The following TEX2 variants were observed in gnomAD, a reference collection of about 807,000 sequenced individuals.
TEX2 encodes the protein testis expressed 2.
TEX2 carries 53 observed loss-of-function variants against 106.9 expected under a neutral mutation model. The ratio of observed to expected loss-of-function variants is 0.50; its 90% confidence interval spans 0.40 to 0.62. TEX2 has a LOEUF of 0.62. TEX2 is among the 20% of genes least tolerant of loss of function. The pLI, the probability that TEX2 is intolerant of heterozygous loss-of-function variation, is 0.00. For synonymous variants in TEX2, 523 were observed against 534.8 expected, an observed-to-expected ratio of 0.98 and a Z score of 0.30; for missense variants, 1,207 against 1,379.0, an observed-to-expected ratio of 0.88 and a Z score of 1.98.
chr17:64,212,716 C>G lies in TEX2; in HGVS notation c.1502G>C (p.Gly501Ala), dbSNP rs1555631728. The change falls in exon 2 of 12, where the codon GGA (glycine) becomes GCA (alanine). Residue 501 changes from glycine to alanine, a missense_variant. Gly to Ala is a moderately conservative substitution (Grantham distance 60). Coordinates refer to ENST00000584379, the MANE Select transcript of TEX2 (RefSeq NM_001288732.2). ...LPHYVSGLFL[G>A]IGLGFMTAVC... is the part of the protein sequence containing the mutation. ...TGCAGTCATGAATCCAAGGCCAATTCCCAGAAAGAGTCCACTCACATAGTG... is the reference window on the plus strand; with the variant it reads ...TGCAGTCATGAATCCAAGGCCAATTGCCAGAAAGAGTCCACTCACATAGTG... 6.2e-7 allele frequency: 1 copy of G among 1,614,112 alleles called. No homozygotes were observed. Among genetic ancestry groups the G allele is most frequent in the Non-Finnish European group, 8.5e-7 (1 of 1,180,034 alleles).
chr17:64,227,478 G>A (rs1217126711), intron 1 of TEX2, among the ~76,000 whole-genome samples: 1 of 152,028 alleles, frequency 6.6e-6, no homozygotes, highest in African/African-American at 2.4e-5. Flanking sequence ...ATACTTTTGT[G>A]ATCTGGAAAA....
intron 5 of TEX2, among the ~76,000 whole-genome samples, chr17:64,183,637 A>G (rs2031967110): frequency 1.3e-5 from 2 of 152,208 alleles, no homozygotes; most frequent in Admixed American, 1.3e-4. Flanking sequence ...CATGTTGCCC[A>G]GGCTGGCCTC....
chr17:64,177,180 G>A (rs1433451590), intron 6 of TEX2, 145 bp downstream of exon 6: 3 of 849,788 alleles, frequency 3.5e-6, no homozygotes, highest in South Asian at 3.2e-5. Context: ...CTGTGATCAA[G>A]GTCAGATGTG....
chr17:64,199,921 C>A (rs1398314532), intron 2 of TEX2, among the ~76,000 whole-genome samples: 1 of 152,254 alleles, frequency 6.6e-6, no homozygotes, highest in Non-Finnish European at 1.5e-5. Context: ...GCTTTCAACA[C>A]ACTCAGTCTT....
chr17:64,196,862 C>G (rs917356673), intron 2 of TEX2, among the ~76,000 whole-genome samples: 1 of 151,932 alleles, frequency 6.6e-6, no homozygotes, highest in Non-Finnish European at 1.5e-5. Context: ...TATCAGCTCA[C>G]AAGAACGGAT....
chr17:64,179,942 G>A (rs2031787066), intron 5 of TEX2, among the ~76,000 whole-genome samples: 1 of 152,160 alleles, frequency 6.6e-6, no homozygotes, highest in African/African-American at 2.4e-5. Flanking sequence ...TGGATGGAAG[G>A]GCAAGAGTCT....
At chr17:64,226,665 T>C (rs574422725) in intron 1 of TEX2, among the ~76,000 whole-genome samples, 1 of 152,188 alleles carries the variant, frequency 6.6e-6, no homozygotes, top group Admixed American at 6.5e-5. Flanking sequence ...CTAAAAATAA[T>C]ACAGAATTGG....
At chr17:64,223,119 AC>A (rs2033405888) in intron 1 of TEX2, among the ~76,000 whole-genome samples, 1 of 152,180 alleles carries the variant, frequency 6.6e-6, no homozygotes, top group Non-Finnish European at 1.5e-5. Context: ...CTCATAAAAA[AC>A]AAAGGCCTCA....
At chr17:64,202,491 T>C (rs1555630217) in intron 2 of TEX2, among the ~76,000 whole-genome samples, 2 of 152,168 alleles carry the variant, frequency 1.3e-5, no homozygotes, top group Admixed American at 1.3e-4. Flanking sequence ...TAATCAGCCA[T>C]TTCCCCCCAC....
intron 1 of TEX2, among the ~76,000 whole-genome samples, chr17:64,245,117 G>A (rs2033962987): frequency 6.6e-6 from 1 of 151,980 alleles, no homozygotes; most frequent in Admixed American, 6.5e-5. Context: ...TAAACCAAAA[G>A]GTACCAGTCT....
At chr17:64,180,217 A>T (rs2031799030) in intron 5 of TEX2, among the ~76,000 whole-genome samples, 1 of 152,228 alleles carries the variant, frequency 6.6e-6, no homozygotes, top group African/African-American at 2.4e-5. Flanking sequence ...AGGTTATACA[A>T]GAGAATAAGT....
intron 1 of TEX2, among the ~76,000 whole-genome samples, chr17:64,227,945 T>C (rs1468468925): frequency 6.6e-6 from 1 of 152,248 alleles, no homozygotes; most frequent in African/African-American, 2.4e-5. Context: ...GCATGATTTT[T>C]AATCGCTGTA....
At chr17:64,207,150 A>G (rs8072646) in intron 2 of TEX2, among the ~76,000 whole-genome samples, 31,742 of 152,102 alleles carry the variant, frequency 0.21, 3,622 homozygotes, top group African/African-American at 0.29. Context: ...AAAAACTGCA[A>G]TGCTCCTTGA....
chr17:64,158,653 T>C (rs1285431853), intron 8 of TEX2, among the ~76,000 whole-genome samples: 7 of 152,192 alleles, frequency 4.6e-5, no homozygotes, highest in Non-Finnish European at 8.8e-5. Flanking sequence ...CTTCTGGGAT[T>C]AGGTTCTTAA....
At chr17:64,208,788 CTAAT>C (rs1337409037) in intron 2 of TEX2, among the ~76,000 whole-genome samples, 1 of 151,894 alleles carries the variant, frequency 6.6e-6, no homozygotes, top group Non-Finnish European at 1.5e-5. Flanking sequence ...CCATACCTGG[CTAAT>C]TATTTTAAAT....
intron 1 of TEX2, chr17:64,255,930 A>C (rs914167900): frequency 2.0e-5 from 3 of 152,260 alleles, no homozygotes; most frequent in Non-Finnish European, 4.4e-5. Context: ...ACACTAAAGC[A>C]AACAACTGCA....
chr17:64,198,744 C>T (rs1326187709), intron 2 of TEX2, among the ~76,000 whole-genome samples: 1 of 146,362 alleles, frequency 6.8e-6, no homozygotes, highest in Non-Finnish European at 1.5e-5. Context: ...ATTACTGCGA[C>T]AAATCACCAT....
chr17:64,183,244 A>G (rs1421920083), intron 5 of TEX2, among the ~76,000 whole-genome samples: 1 of 152,152 alleles, frequency 6.6e-6, no homozygotes, highest in Non-Finnish European at 1.5e-5. Context: ...TGCTACTATA[A>G]ATATTTGTGT....
chr17:64,243,264 A>G (rs1476525727), intron 1 of TEX2, among the ~76,000 whole-genome samples: 1 of 152,188 alleles, frequency 6.6e-6, no homozygotes, highest in Non-Finnish European at 1.5e-5. Flanking sequence ...TCTCTAAAAA[A>G]TTAATTTCAG....
Sources: gnomAD v4.1 joint callset for allele counts (sites outside exome capture counted in the v4.1 genomes callset) on GRCh38, gnomAD v4.1.1 for gene constraint, MANE v1.5 for transcripts, NCBI Gene and HGNC (gene_info 2026-07-23, HGNC 2026-07-21) for gene names.